The following DNAH9 variants were observed in gnomAD, a reference collection of about 807,000 sequenced individuals.
DNAH9 encodes DNAH9 variant protein.
In DNAH9, 345 loss-of-function variants were observed where a neutral mutation model predicts 471.6. The ratio of observed to expected loss-of-function variants is 0.73; its 90% CI spans 0.67 to 0.80. The LOEUF is 0.80. Ranked by LOEUF, DNAH9 falls within the 30% of genes least tolerant of loss-of-function variation. DNAH9 has a pLI of 0.00. For synonymous variants in DNAH9, 2,093 were observed against 2,123.6 expected, an observed-to-expected ratio of 0.99 and a Z score of 0.40; for missense variants, 5,407 against 5,609.2, an observed-to-expected ratio of 0.96 and a Z score of 1.15.
chr17:11,885,598 T>C (rs1439203882), intron 56 of DNAH9, among the ~76,000 whole-genome samples: 1 of 152,232 alleles, frequency 6.6e-6, no homozygotes, highest in Non-Finnish European at 1.5e-5. Flanking sequence ...AACTATACTC[T>C]TATTTTTAGA....
intron 49 of DNAH9, among the ~76,000 whole-genome samples, chr17:11,837,733 A>T (rs1970894073): frequency 6.6e-6 from 1 of 152,200 alleles, no homozygotes; most frequent in Non-Finnish European, 1.5e-5. Flanking sequence ...AAACCCGAAG[A>T]TGTCACCATG....
chr17:11,683,003 C>T (rs2150744289), intron 19 of DNAH9, among the ~76,000 whole-genome samples: 1 of 152,150 alleles, frequency 6.6e-6, no homozygotes, highest in South Asian at 2.1e-4. Flanking sequence ...CTTTTTTGGG[C>T]ATGCAATTGA....
rs1465221557 is a variant in DNAH9 at position 11,693,874 on chromosome 17, A to G, written c.4621A>G (p.Lys1541Glu). ...DIRAQLPQDS[K>E]RFEGIDIDFK... ...TCCACATTTTTATTTGCAGGATTCT[A>G]AAAGGTTTGAAGGCATCGACATTGA... The change falls in exon 21 of 69, where the codon AAA becomes GAA. Residue 1541 changes from lysine (K) to glutamate (E), a missense_variant. By Grantham distance (56) the Lys-to-Glu change is moderately conservative. Coordinates refer to ENST00000262442, the MANE Select transcript of DNAH9 (RefSeq NM_001372.4). The G allele has an allele frequency of 4.3e-6, 7 of 1,613,960 alleles. No homozygotes were observed. The highest frequency in any genetic ancestry group is 1.3e-5 in the African/African-American group (1 of 74,916).
In DNAH9 at chr17:11,702,874, C is replaced by T. The variant is rs370243636; in HGVS notation, c.5152-1329C>T. Among the ~76,000 whole-genome samples the T allele has an allele frequency of 3.3e-5, 5 of 151,924 alleles. No individual in the cohort carries two copies. The East Asian group carries it at 5.8e-4, about 18-fold the overall frequency. ...TTGGGAGGCTGAGGTGGGTGGATCA[C>T]GAGGTCAGGAGATCGAGACCATCCT... On this transcript the variant is annotated intron_variant, in intron 24 of 68. Coordinates refer to ENST00000262442, the MANE Select transcript of DNAH9 (RefSeq NM_001372.4).
At chr17:11,689,256 C>T (rs1449078640) in intron 19 of DNAH9, among the ~76,000 whole-genome samples, 1 of 152,006 alleles carries the variant, frequency 6.6e-6, no homozygotes, top group African/African-American at 2.4e-5. Context: ...TCTAAAGGGG[C>T]TTGGATAAGG....
At chr17:11,916,415 T>C (rs1339005028) in intron 61 of DNAH9, among the ~76,000 whole-genome samples, 1 of 152,274 alleles carries the variant, frequency 6.6e-6, no homozygotes, top group Non-Finnish European at 1.5e-5. Context: ...CTCTCTCTCT[T>C]CCTTCCTCCC....
intron 67 of DNAH9, among the ~76,000 whole-genome samples, chr17:11,951,223 A>C (rs1975349667): frequency 6.6e-6 from 1 of 152,226 alleles, no homozygotes; most frequent in Non-Finnish European, 1.5e-5. Context: ...TCTGAAGGGA[A>C]AAAATGAATG....
At chr17:11,606,472 CAG>C (rs1407335220) in intron 1 of DNAH9, among the ~76,000 whole-genome samples, 3 of 63,508 alleles carry the variant, frequency 4.7e-5, no homozygotes, top group East Asian at 5.4e-4. Flanking sequence ...TTTTTTGAGA[CAG>C]AGTCTTGCTC....
chr17:11,940,374 A>G (rs1035179154), intron 66 of DNAH9, among the ~76,000 whole-genome samples: 11 of 152,218 alleles, frequency 7.2e-5, no homozygotes, highest in South Asian at 2.1e-4. Context: ...TTTTGGAACA[A>G]TACCTCCAGA....
At position 11,822,787 on chromosome 17, in the gene DNAH9, C is replaced by T. The variant is rs1426995460; in HGVS notation, c.9013-14C>T. The T allele has an allele frequency of 1.1e-5, 18 of 1,613,360 alleles. No homozygotes were observed. The highest frequency in any genetic ancestry group is 1.5e-5 in the Non-Finnish European group (18 of 1,179,374). ...CACAAGATAATCTTTTCATTTCTTGCTCTTTGGTTTTAGCCCACAGTAAAG... is the reference window on the plus strand; with the variant it reads ...CACAAGATAATCTTTTCATTTCTTGTTCTTTGGTTTTAGCCCACAGTAAAG... On this transcript the variant is annotated splice_polypyrimidine_tract_variant and intron_variant, in intron 47 of 68. Coordinates refer to ENST00000262442, the MANE Select transcript of DNAH9 (RefSeq NM_001372.4).
rs1183188459 is a variant in DNAH9, at chr17:11,930,031, A to T, written c.12043A>T (p.Thr4015Ser). The T allele has an allele frequency of 1.9e-6, 3 of 1,614,090 alleles. No individual in the cohort carries two copies. Among genetic ancestry groups the T allele is most frequent in the Non-Finnish European group, 2.5e-6 (3 of 1,180,008 alleles). The part of the protein sequence containing the change: ...QGILENSIKI[T>S]NEPPTGMHAN... ...CATCCTGGAGAACTCCATTAAGATC[A>T]CCAATGAGCCCCCCACGGGCATGCA... The change falls in exon 63 of 69, where the codon ACC (threonine) becomes TCC (serine). Residue 4015 changes from threonine (T) to serine (S), a missense_variant. Thr to Ser is a moderately conservative substitution (Grantham distance 58). Around this residue, in one of 3 missense-constraint regions of DNAH9, gnomAD observed 4,636 missense variants for 4,900.3 expected, o/e 0.95. Transcript: ENST00000262442.
intron 62 of DNAH9, among the ~76,000 whole-genome samples, chr17:11,928,361 G>A (rs1974399058): frequency 6.6e-6 from 1 of 152,174 alleles, no homozygotes; most frequent in Non-Finnish European, 1.5e-5. Context: ...TCTTCTTATA[G>A]AAGAGAAGGC....
In DNAH9 at chr17:11,828,473, C is replaced by A. The variant is rs1295400031; in HGVS notation, c.9246+5439C>A. Among the ~76,000 whole-genome samples the A allele has an allele frequency of 2.0e-3, 250 of 125,798 alleles. 1 individual carries two copies. The highest frequency in any genetic ancestry group is 4.3e-3 in the Middle Eastern group (1 of 230). 82.5% of individuals were successfully genotyped at this position (125,798 alleles called of 152,430 possible). On this transcript the variant is annotated intron_variant, in intron 48 of 68. Transcript: ENST00000262442. The stretch of plus-strand genomic sequence containing the variant: ...GGGCAACAAGAGTGAAACTCCGTCT[C>A]AAAAAAAAAAAAAATAGTGCCCGAA...
In DNAH9 at chr17:11,947,778, T is replaced by A. The variant is rs991487675; in HGVS notation, c.12843+5293T>A. 3.8e-3 allele frequency among the ~76,000 whole-genome samples: 523 copies of A among 138,556 alleles called. 12 individuals carry two copies. The highest frequency in any genetic ancestry group is 0.013 in the African/African-American group (499 of 37,132). 90.9% of individuals were successfully genotyped at this position (138,556 alleles called of 152,430 possible). A position where few individuals can be genotyped will look rare whatever the true frequency, so the allele number is the denominator to read the frequency against. On this transcript the variant is annotated intron_variant, in intron 67 of 68. Transcript: ENST00000262442. ...CTGGGAGGGGCTGGGAACTATTTTT[T>A]TTTTTTTTTTTTTTTTTTTTTGAGA...
rs1253794533 is a variant in DNAH9 at position 11,843,863 on chromosome 17, G to GTGTGTGTATATATATATATA, written c.9507+8966_9507+8967insGTGTGTATATATATATATAT. On this transcript the variant is annotated intron_variant, in intron 49 of 68. Transcript: ENST00000262442. ...TGTTTGTGTGTGTGTGTGTGTGTGT[G>GTGTGTGTATATATATATATA]TATATATATATATATATATATATAT... Among the ~76,000 whole-genome samples, 313 of 46,420 alleles carry GTGTGTGTATATATATATATA rather than the reference G, an allele frequency of 6.7e-3. 8 individuals are homozygous for GTGTGTGTATATATATATATA. Among genetic ancestry groups the GTGTGTGTATATATATATATA allele is most frequent in the Middle Eastern group, 0.029 (1 of 34 alleles). The allele number at this position is 46,420 out of a possible 152,430, so 30.5% of individuals were successfully genotyped here. A position where few individuals can be genotyped will look rare whatever the true frequency, so the allele number is the denominator to read the frequency against.
At chr17:11,780,073 C>G (rs191890601) in intron 38 of DNAH9, among the ~76,000 whole-genome samples, 272 of 152,304 alleles carry the variant, frequency 1.8e-3, no homozygotes, top group Admixed American at 3.1e-3. Flanking sequence ...GGAAAAAGTA[C>G]AGATATCTCC....
rs1274786762 is a variant in DNAH9, at chr17:11,698,012, TAA to T, written c.4873-1717_4873-1716del. ...AAAAAATGTTATATACAATTTTATGTAAAGTTATATATAATTATGTATAAAGG... is the reference window on the plus strand; with the variant it reads ...AAAAAATGTTATATACAATTTTATGTAGTTATATATAATTATGTATAAAGG... On this transcript the variant is annotated intron_variant, in intron 22 of 68. Transcript: ENST00000262442. Among the ~76,000 whole-genome samples the T allele has an allele frequency of 2.0e-5, 3 of 147,948 alleles. No homozygotes were observed. In the East Asian group the frequency reaches 5.8e-4, roughly 29 times the overall value.
rs564679346 is a variant in DNAH9, at chr17:11,813,368, G to T, written c.8707+2999G>T. Among the ~76,000 whole-genome samples, 8 of 152,144 alleles carry T rather than the reference G, an allele frequency of 5.3e-5. 1 individual carries two copies. In the East Asian group the frequency reaches 9.7e-4, roughly 18 times the overall value. ...ACAGGGAGAATTAGAGTATATCTTG[G>T]TTCTAATTTTCCCTATCAAATAAGT... On this transcript the variant is annotated intron_variant, in intron 45 of 68. Coordinates refer to ENST00000262442, the MANE Select transcript of DNAH9 (RefSeq NM_001372.4).
intron 48 of DNAH9, among the ~76,000 whole-genome samples, chr17:11,826,805 T>C (rs1970511836): frequency 6.6e-6 from 1 of 150,378 alleles, no homozygotes; most frequent in Non-Finnish European, 1.5e-5. Flanking sequence ...TGTCCTCTTG[T>C]TGAGTCCCTA....
Sources: gnomAD v4.1 joint callset for allele counts (sites outside exome capture counted in the v4.1 genomes callset) on GRCh38, gnomAD v4.1.1 for gene constraint, gnomAD v4.1.1 regional missense constraint, MANE v1.5 for transcripts, NCBI Gene and HGNC (gene_info 2026-07-23, HGNC 2026-07-21) for gene names.